Variants in ARHGAP22 observed in about 807,000 individuals in gnomAD.
ARHGAP22 encodes Rho GTPase activating protein 22, also known as rho GTPase-activating protein 22.
ARHGAP22 carries 48 observed loss-of-function variants against 59.1 expected under a neutral mutation model. The observed-to-expected ratio is 0.81, with a 90% CI of 0.64 to 1.03. The LOEUF is 1.03. ARHGAP22 is among the 50% of genes least tolerant of loss of function. ARHGAP22 has a pLI of 0.00. For missense variants in ARHGAP22, 1,015 were observed against 958.7 expected (o/e 1.06, Z -0.78); for synonymous variants, 445 against 416.4 (o/e 1.07, Z -0.84).
At chr10:48,627,182 T>A (rs936008085) in intron 1 of ARHGAP22, among the ~76,000 whole-genome samples, 7 of 152,208 alleles carry the variant, frequency 4.6e-5, no homozygotes, top group Admixed American at 2.0e-4. Context: ...CTGAGTTGTG[T>A]TCTTTGTCAT....
intron 3 of ARHGAP22, chr10:48,524,117 C>A: frequency 1.5e-6 from 2 of 1,325,906 alleles, no homozygotes; most frequent in South Asian, 2.1e-5. Context: ...CAGCCGCCCG[C>A]GGCCCCGCCG....
chr10:48,631,454 A>G (rs2061625510), intron 1 of ARHGAP22, among the ~76,000 whole-genome samples: 2 of 152,192 alleles, frequency 1.3e-5, no homozygotes, highest in African/African-American at 4.8e-5. Context: ...TTGTTGGAAA[A>G]TTGTCATTTA....
rs538250333 is a variant in ARHGAP22 at position 48,641,033 on chromosome 10, T to C, written c.52+11201A>G. Among the ~76,000 whole-genome samples the C allele has an allele frequency of 2.6e-5, 4 of 152,238 alleles. No individual in the cohort carries two copies. The South Asian group carries it at 6.2e-4, about 24-fold the overall frequency. On this transcript the variant is annotated intron_variant, in intron 1 of 9. Transcript: ENST00000435790. Reference sequence around the variant, plus strand: ...AAGTTTGTGCATTTTACTGGAATTATTAATCTGAAGTAGATTAAGGTAAAA... The same window carrying C: ...AAGTTTGTGCATTTTACTGGAATTACTAATCTGAAGTAGATTAAGGTAAAA...
chr10:48,482,129 AT>A (rs1554867299), intron 3 of ARHGAP22, among the ~76,000 whole-genome samples: 2 of 151,956 alleles, frequency 1.3e-5, no homozygotes. Flanking sequence ...CCAATTAATC[AT>A]TTTTTTCGTT....
At chr10:48,492,732 T>G (rs1296460194) in intron 3 of ARHGAP22, among the ~76,000 whole-genome samples, 1 of 152,034 alleles carries the variant, frequency 6.6e-6, no homozygotes, top group Non-Finnish European at 1.5e-5. Flanking sequence ...TTGTGTATTT[T>G]TAGTAGAGAT....
intron 8 of ARHGAP22, among the ~76,000 whole-genome samples, chr10:48,452,536 C>G (rs538050840): frequency 6.6e-6 from 1 of 152,234 alleles, no homozygotes; most frequent in Admixed American, 6.5e-5. Flanking sequence ...CACTCCGCCA[C>G]GTCCCTCAAC....
intron 3 of ARHGAP22, among the ~76,000 whole-genome samples, chr10:48,544,465 G>A (rs2056252224): frequency 6.6e-6 from 1 of 151,820 alleles, no homozygotes; most frequent in African/African-American, 2.4e-5. Flanking sequence ...CTATGCTGGT[G>A]TTCTCATCTA....
At chr10:48,569,143 A>G (rs1174016383) in intron 2 of ARHGAP22, among the ~76,000 whole-genome samples, 9 of 152,176 alleles carry the variant, frequency 5.9e-5, no homozygotes, top group Non-Finnish European at 1.2e-4. Flanking sequence ...GCTCTGGGGT[A>G]TATGGTGTCT....
intron 2 of ARHGAP22, among the ~76,000 whole-genome samples, chr10:48,562,022 C>T (rs1039414477): frequency 4.6e-5 from 7 of 152,198 alleles, no homozygotes; most frequent in African/African-American, 1.4e-4. Flanking sequence ...GTCAGAAGTT[C>T]GAGACCAGCT....
intron 7 of ARHGAP22, 96 bp downstream of exon 7, chr10:48,453,992 C>A: frequency 2.3e-6 from 3 of 1,314,880 alleles, no homozygotes; most frequent in South Asian, 1.2e-5. Flanking sequence ...ACCCGGGCCC[C>A]CCTCTGACAA....
chr10:48,521,488 T>C (rs60614296), intron 3 of ARHGAP22, among the ~76,000 whole-genome samples: 3,979 of 152,340 alleles, frequency 0.026, 196 homozygotes, highest in African/African-American at 0.091. Context: ...GGGACAAACA[T>C]GCTAAAATGT....
In ARHGAP22 at chr10:48,542,191, C is replaced by T. The variant is rs536037381; in HGVS notation, c.322+13272G>A. On this transcript the variant is annotated intron_variant, in intron 3 of 9. Coordinates refer to ENST00000249601, the MANE Select transcript of ARHGAP22 (RefSeq NM_021226.4). ...GGCCAGTGCATTTGCAGGAAGAGACCAGCAAGGAATGTTCGAAGGTTGTAC... is the reference window on the plus strand; with the variant it reads ...GGCCAGTGCATTTGCAGGAAGAGACTAGCAAGGAATGTTCGAAGGTTGTAC... Among the ~76,000 whole-genome samples the T allele has an allele frequency of 5.3e-5, 8 of 152,230 alleles. No homozygotes were observed. In the South Asian group the frequency reaches 1.7e-3, roughly 32 times the overall value.
chr10:48,581,491 A>G (rs981489137), intron 2 of ARHGAP22, among the ~76,000 whole-genome samples: 1 of 152,172 alleles, frequency 6.6e-6, no homozygotes, highest in African/African-American at 2.4e-5. Flanking sequence ...TCACTTAACT[A>G]CTTAGAGTTC....
chr10:48,503,463 G>A (rs181860299), intron 3 of ARHGAP22, among the ~76,000 whole-genome samples: 10 of 152,340 alleles, frequency 6.6e-5, no homozygotes, highest in African/African-American at 1.9e-4. Flanking sequence ...TATAAACGAT[G>A]TCAGTCTCAG....
At chr10:48,533,181 GTTT>G (rs75585707) in intron 3 of ARHGAP22, among the ~76,000 whole-genome samples, 10 of 142,462 alleles carry the variant, frequency 7.0e-5, no homozygotes, top group African/African-American at 2.1e-4. Context: ...TTGTTCTGTT[GTTT>G]TTTTTTTTTT....
chr10:48,542,087 C>T (rs2056011235), intron 3 of ARHGAP22, among the ~76,000 whole-genome samples: 1 of 152,202 alleles, frequency 6.6e-6, no homozygotes, highest in Non-Finnish European at 1.5e-5. Flanking sequence ...CACTTTCCCT[C>T]TCTGGATGTC....
Position 48,479,675 on chromosome 10 carries a change from G to C in ARHGAP22, c.412C>G (p.Gln138Glu). The change falls in exon 4 of 10, where the codon CAG (glutamine) becomes GAG (glutamate). Residue 138 changes from glutamine to glutamate, a missense_variant. Physicochemically the swap from Gln to Glu is conservative, Grantham distance 29. Coordinates refer to ENST00000249601, the MANE Select transcript of ARHGAP22 (RefSeq NM_021226.4). ...GCCCAGATGACTCGGCGGATGGCCT[G>C]CACCCAGTCCTCCATGTCACGCTGG... ...SSQRDMEDWV[Q>E]AIRRVIWAPL... 1 of 1,613,104 alleles carries C rather than the reference G, an allele frequency of 6.2e-7. No individual in the cohort carries two copies. The highest frequency in any genetic ancestry group is 8.5e-7 in the Non-Finnish European group (1 of 1,179,758).
upstream of ARHGAP22, among the ~76,000 whole-genome samples, chr10:48,605,330 ACC>A (rs111746464): frequency 1.1e-5 from 1 of 91,320 alleles, no homozygotes; most frequent in East Asian, 3.4e-4. Flanking sequence ...GGTAGCCGAG[ACC>A]CCCCCCCCAC....
At chr10:48,576,536 A>T (rs1165921957) in intron 2 of ARHGAP22, among the ~76,000 whole-genome samples, 2 of 152,242 alleles carry the variant, frequency 1.3e-5, no homozygotes, top group African/African-American at 4.8e-5. Context: ...CCTGCCTCAC[A>T]TCCCTGCCCC....
Sources: allele counts gnomAD v4.1 joint callset (sites outside exome capture counted in the v4.1 genomes callset), GRCh38; gene constraint gnomAD v4.1.1; transcripts MANE v1.5; gene names NCBI Gene and HGNC (gene_info 2026-07-23, HGNC 2026-07-21).